The following MIR2052HG variants were observed in gnomAD, a reference collection of about 807,000 sequenced individuals.
MIR2052HG encodes the protein MIR2052 host gene.
At chr8:74,668,220 T>A (rs1808952650) in intron 2 of MIR2052HG, among the ~76,000 whole-genome samples, 1 of 151,954 alleles carries the variant, frequency 6.6e-6, no homozygotes, top group Non-Finnish European at 1.5e-5. Context: ...TTTCTTTAGA[T>A]GTGATACTTA....
chr8:74,671,932 A>G (rs541766689), intron 2 of MIR2052HG, among the ~76,000 whole-genome samples: 2 of 152,264 alleles, frequency 1.3e-5, no homozygotes, highest in African/African-American at 4.8e-5. Flanking sequence ...CAGGAGAAGA[A>G]AAATGATCTC....
chr8:74,667,190 G>C (rs1289882309), intron 2 of MIR2052HG, among the ~76,000 whole-genome samples: 2 of 152,184 alleles, frequency 1.3e-5, no homozygotes, highest in African/African-American at 4.8e-5. Context: ...CCAGAGAGGA[G>C]GGGTATGAAT....
intron 2 of MIR2052HG, among the ~76,000 whole-genome samples, chr8:74,623,980 C>T (rs189483962): frequency 2.0e-5 from 3 of 152,202 alleles, no homozygotes; most frequent in Admixed American, 1.3e-4. Flanking sequence ...GCAGTGGAGC[C>T]AAGCAGTTAT....
chr8:74,656,870 TAGGGACAGTCAAGA>T (rs1301377399), intron 2 of MIR2052HG, among the ~76,000 whole-genome samples: 2 of 152,184 alleles, frequency 1.3e-5, no homozygotes, highest in Admixed American at 6.5e-5. Context: ...AAGGAATGTT[TAGGGACAGTCAAGA>T]AGGGAGTCAG....
chr8:74,680,041 C>T (rs933472278), intron 2 of MIR2052HG, among the ~76,000 whole-genome samples: 3 of 152,156 alleles, frequency 2.0e-5, no homozygotes, highest in Admixed American at 6.5e-5. Context: ...TTATTGTCAA[C>T]TTGGAAAACC....
intron 4 of MIR2052HG, among the ~76,000 whole-genome samples, chr8:74,718,434 C>T (rs187293564): frequency 3.9e-4 from 60 of 152,078 alleles, no homozygotes; most frequent in African/African-American, 1.2e-3. Context: ...GTTTTCCTCA[C>T]CTGTATGGTT....
At chr8:74,636,353 T>G (rs1808580682) in intron 2 of MIR2052HG, among the ~76,000 whole-genome samples, 1 of 152,176 alleles carries the variant, frequency 6.6e-6, no homozygotes, top group Admixed American at 6.6e-5. Flanking sequence ...GAATTTAGGA[T>G]GCTTTTACAT....
rs370912312 is a variant in MIR2052HG at position 74,745,456 on chromosome 8, A to G, written n.372-6985A>G. 2.0e-5 allele frequency among the ~76,000 whole-genome samples: 3 copies of G among 152,286 alleles called. No individual in the cohort carries two copies. In the East Asian group the frequency reaches 5.8e-4, roughly 29 times the overall value. ...TTAAATCATTATCACATAGCATTTG[A>G]TTTGGAGAAACAGAATATCTTTGTG... On this transcript the variant is annotated intron_variant and non_coding_transcript_variant, in intron 4 of 6. Transcript: ENST00000523442.
intron 2 of MIR2052HG, among the ~76,000 whole-genome samples, chr8:74,674,588 C>T (rs1010612301): frequency 1.3e-5 from 2 of 151,904 alleles, no homozygotes; most frequent in Non-Finnish European, 2.9e-5. Context: ...CTAAGTTTGT[C>T]TTTACTCTTC....
chr8:74,735,887 A>G (rs1809740228), intron 4 of MIR2052HG, among the ~76,000 whole-genome samples: 1 of 152,236 alleles, frequency 6.6e-6, no homozygotes, highest in South Asian at 2.1e-4. Context: ...TTAGTGCAAC[A>G]CAGAAATTTG....
chr8:74,618,332 C>T (rs1043677962), intron 2 of MIR2052HG, among the ~76,000 whole-genome samples: 1 of 152,168 alleles, frequency 6.6e-6, no homozygotes, highest in Non-Finnish European at 1.5e-5. Flanking sequence ...TTTTCTCCTC[C>T]TATCAGAATA....
At chr8:74,719,032 T>C (rs1204065006) in intron 4 of MIR2052HG, among the ~76,000 whole-genome samples, 1 of 151,964 alleles carries the variant, frequency 6.6e-6, no homozygotes, top group African/African-American at 2.4e-5. Context: ...ACAACTAGAA[T>C]TTGTCAGGGT....
intron 2 of MIR2052HG, among the ~76,000 whole-genome samples, chr8:74,682,357 G>A (rs866677368): frequency 6.6e-6 from 1 of 151,770 alleles, no homozygotes; most frequent in Admixed American, 6.6e-5. Context: ...AGACTAAAAC[G>A]TTAAAACCTG....
At chr8:74,642,720 G>GACTTATTAACTAGATGACTTATTA (rs1808651223) in intron 2 of MIR2052HG, among the ~76,000 whole-genome samples, 1 of 151,936 alleles carries the variant, frequency 6.6e-6, no homozygotes, top group African/African-American at 2.4e-5. Context: ...TTAACTAGAT[G>GACTTATTAACTAGATGACTTATTA]ACTATCGACT....
chr8:74,699,416 G>GTATATATATATA (rs139522494), intron 2 of MIR2052HG, among the ~76,000 whole-genome samples: 1 of 148,082 alleles, frequency 6.8e-6, no homozygotes, highest in Admixed American at 6.7e-5. Context: ...GTGTGTGTGT[G>GTATATATATATA]TATATATATA....
intron 4 of MIR2052HG, among the ~76,000 whole-genome samples, chr8:74,719,076 CT>C (rs56242876): frequency 0.59 from 84,669 of 144,396 alleles, 24,960 homozygotes; most frequent in East Asian, 0.76. Flanking sequence ...CCGTGTACAT[CT>C]TTTTTTTTTT....
intron 2 of MIR2052HG, among the ~76,000 whole-genome samples, chr8:74,646,831 G>T (rs961332796): frequency 2.0e-5 from 3 of 152,120 alleles, no homozygotes; most frequent in South Asian, 4.2e-4. Flanking sequence ...AGGAGGCTGA[G>T]GTGGGAGAAT....
chr8:74,611,423 T>A (rs1041119927), intron 1 of MIR2052HG, among the ~76,000 whole-genome samples: 11 of 152,150 alleles, frequency 7.2e-5, no homozygotes, highest in Non-Finnish European at 2.9e-5. Flanking sequence ...TTTAAAAAAA[T>A]TACATAAATT....
chr8:74,745,944 T>C (rs1202104761), intron 4 of MIR2052HG, among the ~76,000 whole-genome samples: 7 of 152,290 alleles, frequency 4.6e-5, no homozygotes, highest in African/African-American at 1.7e-4. Flanking sequence ...TCAACACTAA[T>C]ATTATTCTCA....
Sources: allele counts gnomAD v4.1 joint callset (sites outside exome capture counted in the v4.1 genomes callset), GRCh38; gene constraint gnomAD v4.1.1; transcripts MANE v1.5; gene names NCBI Gene and HGNC (gene_info 2026-07-23, HGNC 2026-07-21).